RAPGEF6: variants seen among roughly 807,000 people sequenced by gnomAD.
The protein encoded by RAPGEF6 is PDZ domain containing guanine nucleotide exchange factor (GEF) 2.
In RAPGEF6, 56 loss-of-function variants were observed where a neutral mutation model predicts 171.4. The ratio of observed to expected loss-of-function variants is 0.33; its 90% CI spans 0.26 to 0.41. RAPGEF6 has a LOEUF of 0.41. RAPGEF6 is among the 10% of genes least tolerant of loss of function. RAPGEF6 has a pLI of 1.00. For missense variants in RAPGEF6, 1,674 were observed against 1,921.4 expected, an observed-to-expected ratio of 0.87 and a Z score of 2.41; for synonymous variants, 692 against 650.1, an observed-to-expected ratio of 1.06 and a Z score of -0.98.
intron 7 of RAPGEF6, among the ~76,000 whole-genome samples, chr5:131,511,492 T>TTC (rs1404329697): frequency 5.3e-5 from 8 of 150,020 alleles, no homozygotes; most frequent in Admixed American, 4.0e-4. Flanking sequence ...TTTTTTTTTT[T>TTC]TTTTTCTTTT....
intron 12 of RAPGEF6, among the ~76,000 whole-genome samples, chr5:131,496,960 TC>T (rs1411350483): frequency 6.7e-6 from 1 of 148,150 alleles, no homozygotes; most frequent in Non-Finnish European, 1.5e-5. Context: ...CATTTTACAT[TC>T]CCACCATCAA....
intron 5 of RAPGEF6, among the ~76,000 whole-genome samples, chr5:131,550,320 A>C (rs2149952442): frequency 6.6e-6 from 1 of 152,298 alleles, no homozygotes; most frequent in Admixed American, 6.5e-5. Flanking sequence ...ACACCAAATA[A>C]ATTTTAAACT....
Position 131,504,760 on chromosome 5 carries a change from G to T in RAPGEF6, c.1120C>A (p.Gln374Lys). The stretch of plus-strand genomic sequence containing the variant: ...TGGTTTAAAATTCTCCAATAATCTT[G>T]CTGGGCTATGCAGACAAACTGTCCA... ...DDCQFVCIAQ[Q>K]DYWRILNHVE... is the part of the protein sequence containing the mutation. The change falls in exon 11 of 28, where the codon CAA becomes AAA. Residue 374 changes from glutamine (Q) to lysine (K), a missense_variant. Physicochemically the swap from Gln to Lys is moderately conservative, Grantham distance 53 (BLOSUM62 1). Transcript: ENST00000509018. The T allele has an allele frequency of 6.2e-7, 1 of 1,612,028 alleles. No individual in the cohort carries two copies. The highest frequency in any genetic ancestry group is 1.3e-5 in the African/African-American group (1 of 74,838).
chr5:131,611,222 C>G (rs1764915820), intron 1 of RAPGEF6, among the ~76,000 whole-genome samples: 1 of 152,188 alleles, frequency 6.6e-6, no homozygotes. Context: ...AGGCATTTTC[C>G]CTAATAAATT....
At chr5:131,517,148 A>C (rs1359501456) in intron 7 of RAPGEF6, among the ~76,000 whole-genome samples, 1 of 152,104 alleles carries the variant, frequency 6.6e-6, no homozygotes, top group Non-Finnish European at 1.5e-5. Flanking sequence ...GGGCTGAAAA[A>C]CCACCGAATG....
intron 1 of RAPGEF6, among the ~76,000 whole-genome samples, chr5:131,633,217 A>C (rs1006903730): frequency 7.2e-5 from 11 of 152,134 alleles, no homozygotes; most frequent in African/African-American, 2.7e-4. Context: ...CTGTAATCTC[A>C]GCTACTCGGG....
chr5:131,492,787 T>TGTTAA lies in RAPGEF6; in HGVS notation c.1528-7_1528-3dup. On this transcript the variant is annotated splice_polypyrimidine_tract_variant and splice_region_variant and intron_variant, in intron 13 of 27. Transcript: ENST00000509018. ...TAACCGGAGATGACCATTCATCTTC[T>TGTTAA]GTTAAGCAGAAAAGGATAAATGTAT... is the stretch of plus-strand genomic sequence containing the variant. 3.1e-6 allele frequency: 5 copies of TGTTAA among 1,608,230 alleles called. No homozygotes were observed. Among genetic ancestry groups the TGTTAA allele is most frequent in the Non-Finnish European group, 4.3e-6 (5 of 1,174,610 alleles).
intron 1 of RAPGEF6, among the ~76,000 whole-genome samples, chr5:131,629,381 A>G (rs1445536403): frequency 6.6e-6 from 1 of 152,168 alleles, no homozygotes; most frequent in Non-Finnish European, 1.5e-5. Flanking sequence ...AGTTTGAAAG[A>G]GGTTGAATCC....
At position 131,461,992 on chromosome 5, in the gene RAPGEF6, G is replaced by C; in HGVS notation, c.2577C>G (p.Leu859=). The change falls in exon 19 of 28, where the codon CTC becomes CTG. Residue 859 remains leucine (L), a synonymous_variant. Transcript: ENST00000509018. ...GCTGGGTGGCCACCTCAATGGTACTGAGCTGCAGCATGGATAGCTGGCTTT... is the reference window on the plus strand; with the variant it reads ...GCTGGGTGGCCACCTCAATGGTACTCAGCTGCAGCATGGATAGCTGGCTTT... The part of the protein sequence containing the change: ...VKESQLSMLQ[L]STIEVATQLS... 2 of 1,614,094 alleles carry C rather than the reference G, an allele frequency of 1.2e-6. No homozygotes were observed. Among genetic ancestry groups the C allele is most frequent in the Non-Finnish European group, 1.7e-6 (2 of 1,179,978 alleles).
At chr5:131,565,673 A>T (rs1436086657) in intron 4 of RAPGEF6, among the ~76,000 whole-genome samples, 1 of 152,226 alleles carries the variant, frequency 6.6e-6, no homozygotes, top group Non-Finnish European at 1.5e-5. Context: ...GATAGAGAGA[A>T]CAAAAGGAGA....
Position 131,505,398 on chromosome 5 carries a change from T to A in RAPGEF6, c.1067A>T (p.His356Leu), listed in dbSNP as rs913572164. ...ITPTLDKQYM[H>L]GIVRTKVDDC... ...ATCTACTTTAGTCCTGACAATTCCA[T>A]GCATGTACTGCTTATCCAGAGTGGG... Residue 356 changes from histidine (H) to leucine (L), a missense_variant, in exon 10 of 28, where the codon CAT becomes CTT. Transcript: ENST00000509018. 1 of 1,613,702 alleles carries A rather than the reference T, an allele frequency of 6.2e-7. No homozygotes were observed. Among genetic ancestry groups the A allele is most frequent in the African/African-American group, 1.3e-5 (1 of 75,040 alleles).
chr5:131,521,437 T>C lies in RAPGEF6; in HGVS notation c.580A>G (p.Ser194Gly), dbSNP rs1758470855. Reference sequence around the variant, plus strand: ...CTGCTTCCAGAGTCACTGGCAATGCTACAACCAGACTGACTAGAAGACACA... The same window carrying C: ...CTGCTTCCAGAGTCACTGGCAATGCCACAACCAGACTGACTAGAAGACACA... ...THVSSSQSGC[S>G]IASDSGSSSL... Residue 194 changes from serine to glycine, a missense_variant, in exon 7 of 28, where the codon AGC (serine) becomes GGC (glycine). Coordinates refer to ENST00000509018, the MANE Select transcript of RAPGEF6 (RefSeq NM_016340.6). 2 of 1,612,504 alleles carry C rather than the reference T, an allele frequency of 1.2e-6. No individual in the cohort carries two copies. Among genetic ancestry groups the C allele is most frequent in the Admixed American group, 1.7e-5 (1 of 59,910 alleles).
Position 131,435,811 on chromosome 5 carries a change from C to T in RAPGEF6, c.3746-2153G>A, listed in dbSNP as rs775706037. The T allele has an allele frequency of 6.5e-5, 90 of 1,382,996 alleles. 1 individual carries two copies. Among genetic ancestry groups the T allele is most frequent in the Non-Finnish European group, 8.4e-5 (89 of 1,057,370 alleles). The allele number at this position is 1,382,996 out of a possible 1,614,324, so 85.7% of individuals were successfully genotyped here. A position where few individuals can be genotyped will look rare whatever the true frequency, so the allele number is the denominator to read the frequency against. On this transcript the variant is annotated intron_variant, in intron 24 of 27. Coordinates refer to ENST00000509018, the MANE Select transcript of RAPGEF6 (RefSeq NM_016340.6). ...ATACATCAGTAAAATAACTTATGTACAAATGAGGCATTTTCAAGTGTTTAT... is the reference window on the plus strand; with the variant it reads ...ATACATCAGTAAAATAACTTATGTATAAATGAGGCATTTTCAAGTGTTTAT...
At chr5:131,529,285 G>A (rs1333230165) in intron 6 of RAPGEF6, among the ~76,000 whole-genome samples, 4 of 151,818 alleles carry the variant, frequency 2.6e-5, no homozygotes, top group African/African-American at 9.7e-5. Flanking sequence ...AGACCAGCCT[G>A]GCCAACATGG....
intron 6 of RAPGEF6, among the ~76,000 whole-genome samples, chr5:131,529,674 G>A (rs1421418857): frequency 6.6e-6 from 1 of 152,070 alleles, no homozygotes; most frequent in Non-Finnish European, 1.5e-5. Flanking sequence ...ACTTTGGGAG[G>A]CCAAGGCATG....
At chr5:131,534,606 G>GTTTT (rs66792688) in intron 6 of RAPGEF6, among the ~76,000 whole-genome samples, 27 of 144,858 alleles carry the variant, frequency 1.9e-4, no homozygotes, top group South Asian at 8.7e-4. Flanking sequence ...GCACCAATGT[G>GTTTT]TTTTTTTTTT....
At chr5:131,483,624 C>T (rs1441607877) in intron 15 of RAPGEF6, among the ~76,000 whole-genome samples, 2 of 152,090 alleles carry the variant, frequency 1.3e-5, no homozygotes, top group Non-Finnish European at 2.9e-5. Flanking sequence ...TGTCTCTTCC[C>T]ACATATGTAT....
rs142962933 is a variant in RAPGEF6 at position 131,527,586 on chromosome 5, C to T, written c.496-6065G>A. On this transcript the variant is annotated intron_variant, in intron 6 of 27. Coordinates refer to ENST00000509018, the MANE Select transcript of RAPGEF6 (RefSeq NM_016340.6). ...ATGACTCAATATTCCTCTTAGGGTA[C>T]CTACTGTTAAGATCACTCTGGAAGC... 9.6e-4 allele frequency among the ~76,000 whole-genome samples: 146 copies of T among 152,024 alleles called. No individual in the cohort carries two copies. The Middle Eastern group carries it at 0.014, about 14-fold the overall frequency.
At chr5:131,495,203 G>C (rs1419661002) in intron 13 of RAPGEF6, among the ~76,000 whole-genome samples, 1 of 151,936 alleles carries the variant, frequency 6.6e-6, no homozygotes, top group Non-Finnish European at 1.5e-5. Flanking sequence ...TGAGGTAGGA[G>C]AGAATTGCTT....
Sources: gnomAD v4.1 joint callset for allele counts (sites outside exome capture counted in the v4.1 genomes callset) on GRCh38, gnomAD v4.1.1 for gene constraint, MANE v1.5 for transcripts, NCBI Gene and HGNC (gene_info 2026-07-23, HGNC 2026-07-21) for gene names.